Variants in RGS6 observed in about 807,000 individuals in gnomAD.
RGS6 encodes regulator of G-protein signaling 6.
Under a neutral mutation model 78.5 loss-of-function variants are expected in RGS6, and 30 were observed. That is an observed-to-expected ratio of 0.38 (90% CI 0.29 to 0.52). The LOEUF (loss-of-function observed/expected upper bound fraction) is 0.52, where lower values mean the gene tolerates loss of function less well. RGS6 is among the 20% of genes least tolerant of loss of function. The pLI is 0.85. For synonymous variants in RGS6, 206 were observed against 206.0 expected, an observed-to-expected ratio of 1.00 and a Z score of 0.00; for missense variants, 495 against 609.7, an observed-to-expected ratio of 0.81 and a Z score of 1.98.
chr14:72,278,471 G>A (rs934183447), intron 2 of RGS6, among the ~76,000 whole-genome samples: 1 of 152,156 alleles, frequency 6.6e-6, no homozygotes, highest in South Asian at 2.1e-4. Context: ...CTGGGAATAT[G>A]TATTGCTTAG....
At position 72,227,960 on chromosome 14, in the gene RGS6, A is replaced by G. The variant is rs571564995; in HGVS notation, c.85-124135A>G. On this transcript the variant is annotated intron_variant, in intron 2 of 17. Coordinates refer to ENST00000553525, the MANE Select transcript of RGS6 (RefSeq NM_001204424.2). ...CCTGGGATTGGAGAACCTGTTCTGT[A>G]TGAGGGTACCAGGAGATCTTAACAG... is the stretch of plus-strand genomic sequence containing the variant. 4.7e-4 allele frequency among the ~76,000 whole-genome samples: 71 copies of G among 152,340 alleles called. 2 individuals are homozygous for G. The highest frequency in any genetic ancestry group is 3.4e-3 in the Middle Eastern group (1 of 292).
chr14:71,915,987 G>T, the RGS6 span, among the ~76,000 whole-genome samples: 1 of 152,276 alleles, frequency 6.6e-6, no homozygotes, highest in African/African-American at 2.4e-5. Flanking sequence ...AGCCTCAAGA[G>T]AAACCAACCT....
At chr14:72,184,478 G>T (rs965070432) in intron 2 of RGS6, among the ~76,000 whole-genome samples, 1 of 151,404 alleles carries the variant, frequency 6.6e-6, no homozygotes, top group Non-Finnish European at 1.5e-5. Context: ...CATGAAAATG[G>T]TATCTTTGTT....
chr14:71,879,736 A>G, the RGS6 span, among the ~76,000 whole-genome samples: 1 of 152,244 alleles, frequency 6.6e-6, no homozygotes, highest in Non-Finnish European at 1.5e-5. Context: ...TGAGTATATT[A>G]AAGTTCTTTT....
intron 2 of RGS6, among the ~76,000 whole-genome samples, chr14:72,033,975 T>A (rs1232602620): frequency 6.6e-6 from 1 of 152,204 alleles, no homozygotes; most frequent in East Asian, 1.9e-4. Context: ...GAAGTGATTA[T>A]GGTTTTTGAT....
chr14:72,423,754 C>G (rs79695792), intron 3 of RGS6, among the ~76,000 whole-genome samples: 5,220 of 152,200 alleles, frequency 0.034, 311 homozygotes, highest in African/African-American at 0.12. Context: ...GATCATTTGT[C>G]TATCAAACCT....
At chr14:72,367,407 ATC>A (rs986763154) in intron 3 of RGS6, among the ~76,000 whole-genome samples, 38 of 152,188 alleles carry the variant, frequency 2.5e-4, no homozygotes, top group African/African-American at 8.7e-4. Flanking sequence ...GATGGATGTC[ATC>A]TCTCCTTCCA....
intron 2 of RGS6, among the ~76,000 whole-genome samples, chr14:72,083,841 T>G (rs1234136138): frequency 6.6e-6 from 1 of 152,122 alleles, no homozygotes. Context: ...TGGCACGAAT[T>G]AAACATTGAT....
At chr14:72,525,136 C>A (rs1290120094) in intron 15 of RGS6, among the ~76,000 whole-genome samples, 1 of 152,170 alleles carries the variant, frequency 6.6e-6, no homozygotes, top group East Asian at 1.9e-4. Context: ...ATAATTCATT[C>A]CAGAATTATA....
At chr14:72,381,287 A>C (rs1437183832) in intron 3 of RGS6, among the ~76,000 whole-genome samples, 1 of 152,118 alleles carries the variant, frequency 6.6e-6, no homozygotes, top group Non-Finnish European at 1.5e-5. Context: ...AAATAGCTAG[A>C]TGGAGAATAT....
intron 2 of RGS6, among the ~76,000 whole-genome samples, chr14:72,111,453 T>C (rs1433630608): frequency 1.3e-5 from 2 of 152,216 alleles, no homozygotes; most frequent in Non-Finnish European, 2.9e-5. Context: ...GGTATTTCTA[T>C]GTAATTTCCA....
At chr14:72,372,950 A>T (rs1028524235) in intron 3 of RGS6, among the ~76,000 whole-genome samples, 3 of 152,164 alleles carry the variant, frequency 2.0e-5, no homozygotes, top group Non-Finnish European at 4.4e-5. Flanking sequence ...CCAAAAGGCA[A>T]ATAGGGCCCA....
rs533374220 is a variant in RGS6, at chr14:72,472,209, A to T, written c.537-663A>T. 4.4e-4 allele frequency among the ~76,000 whole-genome samples: 67 copies of T among 151,256 alleles called. 4 individuals are homozygous for T. The South Asian group carries it at 0.014, about 31-fold the overall frequency. Reference sequence around the variant, plus strand: ...AAGAAAGAAAAAGAAAAAACCTCTTATCTATGCTGCAGATCAGAACAATAA... The same window carrying T: ...AAGAAAGAAAAAGAAAAAACCTCTTTTCTATGCTGCAGATCAGAACAATAA... On this transcript the variant is annotated intron_variant, in intron 8 of 17. Transcript: ENST00000553525.
At chr14:72,383,177 C>CATATATATATATATATAT (rs35175623) in intron 3 of RGS6, among the ~76,000 whole-genome samples, 2 of 71,030 alleles carry the variant, frequency 2.8e-5, no homozygotes, top group Non-Finnish European at 2.9e-5. Context: ...AAAAATTGTA[C>CATATATATATATATATAT]ATATATATAT....
chr14:71,875,834 T>G, the RGS6 span, among the ~76,000 whole-genome samples: 47 of 152,184 alleles, frequency 3.1e-4, no homozygotes, highest in African/African-American at 1.1e-3. Flanking sequence ...CAGAGATTCT[T>G]GTATGTTGTG....
chr14:72,440,536 C>T (rs1431442328), intron 3 of RGS6, among the ~76,000 whole-genome samples: 1 of 151,760 alleles, frequency 6.6e-6, no homozygotes, highest in Non-Finnish European at 1.5e-5. Context: ...CCTCAGCCTC[C>T]CATGTAGCTG....
the RGS6 span, among the ~76,000 whole-genome samples, chr14:72,610,340 G>A: frequency 6.6e-6 from 1 of 152,290 alleles, no homozygotes; most frequent in South Asian, 2.1e-4. Context: ...CAGGGACCTG[G>A]TCATCCTTCC....
At chr14:72,148,506 CT>C (rs2096638815) in intron 2 of RGS6, among the ~76,000 whole-genome samples, 1 of 152,116 alleles carries the variant, frequency 6.6e-6, no homozygotes, top group Non-Finnish European at 1.5e-5. Flanking sequence ...GCTTTAGTGC[CT>C]TTGGAGAGGA....
chr14:72,024,104 G>A (rs531710183), intron 2 of RGS6, among the ~76,000 whole-genome samples: 1,098 of 27,208 alleles, frequency 0.04, 17 homozygotes, highest in African/African-American at 0.11. Context: ...TTTGTTGAAT[G>A]AATGAAAAAT....
Sources: gnomAD v4.1 joint callset for allele counts (sites outside exome capture counted in the v4.1 genomes callset) on GRCh38, gnomAD v4.1.1 for gene constraint, MANE v1.5 for transcripts, NCBI Gene and HGNC (gene_info 2026-07-23, HGNC 2026-07-21) for gene names.